ABCA8: variants seen among roughly 807,000 people sequenced by gnomAD.
ABCA8 encodes the protein ATP binding cassette subfamily A member 8.
A neutral mutation model predicts 192.3 loss-of-function variants in ABCA8; 177 were observed. The observed-to-expected ratio is 0.92, with a 90% CI of 0.81 to 1.04. The LOEUF (loss-of-function observed/expected upper bound fraction) is 1.04, where lower values mean the gene tolerates loss of function less well. Among genes scored for constraint, ABCA8 ranks in the 50% least tolerant of loss-of-function variants. The probability of loss-of-function intolerance (pLI) is 0.00; values close to 1 mark genes in which losing one functional copy is unlikely to be tolerated. For missense variants in ABCA8, 1,915 were observed against 1,904.8 expected (o/e 1.01, Z -0.10); for synonymous variants, 642 against 690.2 (o/e 0.93, Z 1.09).
intron 5 of ABCA8, among the ~76,000 whole-genome samples, chr17:68,935,262 TTGTG>T (rs71144641): frequency 4.5e-4 from 61 of 136,016 alleles, no homozygotes; most frequent in African/African-American, 5.8e-4. Context: ...GCCTGGCTAA[TTGTG>T]TGTGTGTGTG....
rs1313432336 is a variant in ABCA8, at chr17:68,932,448, A to G, written c.637T>C (p.Ser213Pro). Residue 213 changes from serine (S) to proline (P), a missense_variant, in exon 7 of 40, where the codon TCC becomes CCC. By Grantham distance (74) the Ser-to-Pro change is moderately conservative. Transcript: ENST00000586539. ...SVTGKNMKMHSFIGQSGVITD... is the reference protein window; with the variant it reads ...SVTGKNMKMHPFIGQSGVITD... ...ATAACTCCTGATTGACCAATGAAGG[A>G]ATGCATCTTCATATTTTTTCCAGTA... 4 of 1,614,014 alleles carry G rather than the reference A, an allele frequency of 2.5e-6. No individual in the cohort carries two copies. The highest frequency in any genetic ancestry group is 3.4e-6 in the Non-Finnish European group (4 of 1,179,854).
intron 35 of ABCA8, 66 bp downstream of exon 35, chr17:68,876,394 G>C (rs868434203): frequency 1.9e-6 from 3 of 1,599,962 alleles, no homozygotes; most frequent in Middle Eastern, 3.3e-4. Flanking sequence ...TTTTACAGAA[G>C]AAAAATGGTT....
chr17:68,900,608 C>T (rs1039528634), intron 21 of ABCA8, among the ~76,000 whole-genome samples: 1 of 149,454 alleles, frequency 6.7e-6, no homozygotes, highest in Non-Finnish European at 1.5e-5. Context: ...AAGTATTACC[C>T]TGATATCTAA....
intron 23 of ABCA8, among the ~76,000 whole-genome samples, chr17:68,893,431 A>G (rs191094071): frequency 7.2e-4 from 110 of 152,314 alleles, no homozygotes; most frequent in African/African-American, 1.9e-3. Context: ...GGTCTGGAGT[A>G]GGCCAGGGGA....
At chr17:68,869,275 C>A (rs529391190) in intron 38 of ABCA8, among the ~76,000 whole-genome samples, 1 of 151,970 alleles carries the variant, frequency 6.6e-6, no homozygotes, top group Non-Finnish European at 1.5e-5. Flanking sequence ...GTGACAGATG[C>A]GAGGAGATTG....
intron 9 of ABCA8, 91 bp downstream of exon 9, chr17:68,928,958 A>G: frequency 1.8e-6 from 2 of 1,128,234 alleles, no homozygotes; most frequent in Non-Finnish European, 2.3e-6. Flanking sequence ...AAGCCTTACA[A>G]TGCTGAGTTT....
Position 68,882,655 on chromosome 17 carries a change from C to A in ABCA8, c.3772G>T (p.Val1258Phe). 1 of 1,612,936 alleles carries A rather than the reference C, an allele frequency of 6.2e-7. No individual in the cohort carries two copies. ...GCTGTTCTCACTCTTTCCATCTGAACATCTTCATCCTCTCCTTCTGGTTCT... is the reference window on the plus strand; with the variant it reads ...GCTGTTCTCACTCTTTCCATCTGAAAATCTTCATCCTCTCCTTCTGGTTCT... ...PEEPEGEDEDVQMERVRTANA... is the reference protein window; with the variant it reads ...PEEPEGEDEDFQMERVRTANA... Residue 1258 changes from valine (V) to phenylalanine (F), a missense_variant, in exon 30 of 40, where the codon GTT becomes TTT. By Grantham distance (50) the Val-to-Phe change is conservative (BLOSUM62 -1). Transcript: ENST00000586539.
intron 1 of ABCA8, among the ~76,000 whole-genome samples, chr17:68,954,027 CTT>C (rs4148014): frequency 3.2e-4 from 47 of 146,966 alleles, no homozygotes; most frequent in South Asian, 1.5e-3. Context: ...GGAGGAATTT[CTT>C]TTTTTTTTTT....
At chr17:68,918,377 A>G in intron 15 of ABCA8, 50 bp downstream of exon 15, 2 of 1,535,450 alleles carry the variant, frequency 1.3e-6, no homozygotes, top group Middle Eastern at 1.7e-4. Context: ...TATTACCAAA[A>G]GTTCCATTTT....
intron 5 of ABCA8, among the ~76,000 whole-genome samples, chr17:68,935,262 T>TTGTGTGTGTGTGTGTGTG (rs71144641): frequency 0.013 from 1,708 of 136,040 alleles, 50 homozygotes; most frequent in African/African-American, 0.047. Flanking sequence ...GCCTGGCTAA[T>TTGTGTGTGTGTGTGTGTG]TGTGTGTGTG....
rs779083427 is a variant in ABCA8, at chr17:68,895,078, CA to C, written c.2765-66del. On this transcript the variant is annotated intron_variant, in intron 21 of 39. Coordinates refer to ENST00000586539, the MANE Select transcript of ABCA8 (RefSeq NM_001288985.2). Reference sequence around the variant, plus strand: ...AAACATTAATGTCAAGTTGTGTAGTCAAATTACAGTTAATGTCATTATGTGA... The same window carrying C: ...AAACATTAATGTCAAGTTGTGTAGTCAATTACAGTTAATGTCATTATGTGA... The C allele has an allele frequency of 3.3e-4, 463 of 1,407,496 alleles. 2 individuals carry two copies. The highest frequency in any genetic ancestry group is 4.1e-4 in the Non-Finnish European group (435 of 1,049,728). 87.2% of individuals were successfully genotyped at this position (1,407,496 alleles called of 1,614,324 possible). A position where few individuals can be genotyped will look rare whatever the true frequency, so the allele number is the denominator to read the frequency against.
chr17:68,903,096 T>C (rs971081689), intron 20 of ABCA8, among the ~76,000 whole-genome samples: 29 of 152,222 alleles, frequency 1.9e-4, no homozygotes, highest in African/African-American at 7.0e-4. Flanking sequence ...TTTTGGCCAT[T>C]GGATATCCCA....
At chr17:68,949,010 ATTGT>A (rs2068494541) in intron 2 of ABCA8, among the ~76,000 whole-genome samples, 2 of 152,134 alleles carry the variant, frequency 1.3e-5, no homozygotes, top group South Asian at 4.1e-4. Context: ...TCCTTTCCAC[ATTGT>A]TTGTTTTTGT....
intron 1 of ABCA8, among the ~76,000 whole-genome samples, chr17:68,951,354 C>T (rs1370025472): frequency 6.6e-6 from 1 of 152,184 alleles, no homozygotes; most frequent in Non-Finnish European, 1.5e-5. Context: ...TAAGATACTG[C>T]TTCTTTAAAA....
intron 38 of ABCA8, among the ~76,000 whole-genome samples, chr17:68,869,300 C>A (rs186045790): frequency 1.3e-5 from 2 of 152,112 alleles, no homozygotes; most frequent in African/African-American, 4.8e-5. Context: ...AATGACCAGA[C>A]AGGAGTCAGT....
At chr17:68,875,848 G>A in intron 35 of ABCA8, 115 bp from the exon 36 acceptor site, 2 of 1,224,666 alleles carry the variant, frequency 1.6e-6, no homozygotes, top group South Asian at 1.6e-5. Flanking sequence ...AAGAGATTAA[G>A]TAAAAGAGGG....
intron 24 of ABCA8, among the ~76,000 whole-genome samples, chr17:68,888,057 C>T (rs2066535990): frequency 7.2e-6 from 1 of 138,522 alleles, no homozygotes; most frequent in African/African-American, 2.7e-5. Context: ...TATATACACA[C>T]ATATATACAC....
At position 68,919,463 on chromosome 17, in the gene ABCA8, G is replaced by A. The variant is rs148466160; in HGVS notation, c.1626C>T (p.Ile542=). 4.9e-3 allele frequency: 7,943 copies of A among 1,613,278 alleles called. 29 individuals are homozygous for A. The highest frequency in any genetic ancestry group is 6.0e-3 in the Non-Finnish European group (7,123 of 1,179,624). ...LSVPTKGSVT[I]YNNKLSEMAD... is the part of the protein sequence containing the mutation. The stretch of plus-strand genomic sequence containing the variant: ...CCATTTCTGAAAGCTTATTGTTATA[G>A]ATGGTGACTGAACCTGTAACAAAGG... The change falls in exon 14 of 40, where the codon ATC becomes ATT. Residue 542 remains isoleucine, a synonymous_variant. Coordinates refer to ENST00000586539, the MANE Select transcript of ABCA8 (RefSeq NM_001288985.2).
At chr17:68,915,689 A>G (rs2143585235) in intron 17 of ABCA8, among the ~76,000 whole-genome samples, 1 of 152,322 alleles carries the variant, frequency 6.6e-6, no homozygotes, top group Middle Eastern at 3.4e-3. Flanking sequence ...AATGTAAATT[A>G]GTACAGCCAC....
Sources: allele counts gnomAD v4.1 joint callset (sites outside exome capture counted in the v4.1 genomes callset), GRCh38; gene constraint gnomAD v4.1.1; transcripts MANE v1.5; gene names NCBI Gene and HGNC (gene_info 2026-07-23, HGNC 2026-07-21).